SCGB2B2: variants seen among roughly 807,000 people sequenced by gnomAD.
SCGB2B2 encodes secretoglobin-like protein.
SCGB2B2 carries 11 observed loss-of-function variants against 7.6 expected under a neutral mutation model. The ratio of observed to expected loss-of-function variants is 1.45; its 90% confidence interval spans 0.91 to 2.40. The LOEUF (loss-of-function observed/expected upper bound fraction) is 2.40, where lower values mean the gene tolerates loss of function less well. Among genes scored for constraint, SCGB2B2 ranks in the 30% most tolerant of loss-of-function variants. SCGB2B2 has a pLI of 0.00. For synonymous variants in SCGB2B2, 50 were observed against 48.6 expected, an observed-to-expected ratio of 1.03 and a Z score of -0.12; for missense variants, 104 against 115.4, an observed-to-expected ratio of 0.90 and a Z score of 0.45.
At chr19:34,599,592 T>A (rs1322224370) in intron 1 of SCGB2B2, among the ~76,000 whole-genome samples, 1 of 152,116 alleles carries the variant, frequency 6.6e-6, no homozygotes, top group African/African-American at 2.4e-5. Flanking sequence ...GGAAAATCCC[T>A]CATGAATCAA....
chr19:34,649,573 G>A (rs1310347485), intron 1 of SCGB2B2, among the ~76,000 whole-genome samples: 1 of 152,180 alleles, frequency 6.6e-6, no homozygotes, highest in African/African-American at 2.4e-5. Context: ...AACCGGCCAG[G>A]TGTGGTTGCT....
At chr19:34,632,938 C>T (rs2066576635) in intron 1 of SCGB2B2, 1 of 152,506 alleles carries the variant, frequency 6.6e-6, no homozygotes, top group Admixed American at 6.5e-5. Context: ...CAATATCTCT[C>T]CTGCACTAAA....
rs749196044 is a variant in SCGB2B2 at position 34,595,303 on chromosome 19, G to A, written c.-740C>T. On this transcript the variant is annotated 5_prime_UTR_variant, in exon 2 of 4. Coordinates refer to ENST00000601241, the MANE Select transcript of SCGB2B2 (RefSeq NM_001025591.4). ...AAATGTGGAGGCTGCAAAAGGTGCC[G>A]AGCTCTGGTCTCCACACTATTTATT... 6.6e-5 allele frequency: 10 copies of A among 152,566 alleles called. No homozygotes were observed. The highest frequency in any genetic ancestry group is 3.3e-4 in the Admixed American group (5 of 15,288). 9.5% of individuals were successfully genotyped at this position (152,566 alleles called of 1,614,324 possible).
rs2065349666 is a variant in SCGB2B2, at chr19:34,593,417, C to T, written c.*138G>A. 2 of 657,170 alleles carry T rather than the reference C, an allele frequency of 3.0e-6. No homozygotes were observed. Among genetic ancestry groups the T allele is most frequent in the Non-Finnish European group, 5.3e-6 (2 of 374,786 alleles). The allele number at this position is 657,170 out of a possible 1,614,324, so 40.7% of individuals were successfully genotyped here. On this transcript the variant is annotated 3_prime_UTR_variant, in exon 4 of 4. Transcript: ENST00000601241. ...CTGCATATGCGGTCACAGCCAACCC[C>T]ACACAGATGCCAGAACACAGAACTG...
chr19:34,613,612 G>T (rs779696730), intron 1 of SCGB2B2, among the ~76,000 whole-genome samples: 1 of 152,128 alleles, frequency 6.6e-6, no homozygotes, highest in Non-Finnish European at 1.5e-5. Context: ...TATATCCTTT[G>T]TTGTTTTCTT....
chr19:34,650,864 A>T (rs1244693127), intron 1 of SCGB2B2, among the ~76,000 whole-genome samples: 1 of 151,366 alleles, frequency 6.6e-6, no homozygotes, highest in Non-Finnish European at 1.5e-5. Context: ...ACAAAATACT[A>T]GCCAACCAAA....
intron 1 of SCGB2B2, among the ~76,000 whole-genome samples, chr19:34,610,386 C>G (rs2065894732): frequency 6.6e-6 from 1 of 152,076 alleles, no homozygotes; most frequent in African/African-American, 2.4e-5. Context: ...TGTCTTGCTC[C>G]AGATTTTAGA....
intron 1 of SCGB2B2, among the ~76,000 whole-genome samples, chr19:34,617,904 G>A (rs4578784): frequency 0.32 from 47,491 of 149,544 alleles, 8,079 homozygotes; most frequent in Middle Eastern, 0.47. Flanking sequence ...TCCAGGTGCC[G>A]TCTGTCACCC....
At chr19:34,673,530 A>G (rs1350989977) in intron 1 of SCGB2B2, among the ~76,000 whole-genome samples, 1 of 152,250 alleles carries the variant, frequency 6.6e-6, no homozygotes, top group African/African-American at 2.4e-5. Context: ...GGAGGCCCTC[A>G]GAAAACAAGA....
intron 1 of SCGB2B2, among the ~76,000 whole-genome samples, chr19:34,663,091 CCT>C (rs1388215710): frequency 3.9e-5 from 6 of 152,240 alleles, no homozygotes; most frequent in Non-Finnish European, 8.8e-5. Context: ...TGCCGACGCC[CCT>C]GACACCTGCC....
chr19:34,601,932 A>G (rs895563181), intron 1 of SCGB2B2, among the ~76,000 whole-genome samples: 3 of 152,128 alleles, frequency 2.0e-5, no homozygotes, highest in Admixed American at 1.3e-4. Flanking sequence ...TTTTTATTTT[A>G]TAATAATTTT....
At chr19:34,657,084 C>T (rs2198905) in intron 1 of SCGB2B2, among the ~76,000 whole-genome samples, 48,841 of 150,752 alleles carry the variant, frequency 0.32, 8,696 homozygotes, top group Non-Finnish European at 0.34. Context: ...ATGCTGAATA[C>T]GAAACAATAT....
intron 1 of SCGB2B2, among the ~76,000 whole-genome samples, chr19:34,621,630 T>G (rs1288863949): frequency 6.6e-6 from 1 of 152,164 alleles, no homozygotes; most frequent in African/African-American, 2.4e-5. Context: ...TATCTATAAC[T>G]TGGATATCCT....
chr19:34,593,279 C>G lies in SCGB2B2; in HGVS notation c.*276G>C. On this transcript the variant is annotated 3_prime_UTR_variant, in exon 4 of 4. Transcript: ENST00000601241. The stretch of plus-strand genomic sequence containing the variant: ...AGGCTGCAGTGAGCCAAGATCGCGC[C>G]AATGCACTCCAGCCACCCTCCTCCC... 2.6e-6 allele frequency: 1 copy of G among 383,778 alleles called. No homozygotes were observed. The highest frequency in any genetic ancestry group is 4.7e-6 in the Non-Finnish European group (1 of 210,900). The allele number at this position is 383,778 out of a possible 1,614,324, so 23.8% of individuals were successfully genotyped here. A position where few individuals can be genotyped will look rare whatever the true frequency, so the allele number is the denominator to read the frequency against.
intron 1 of SCGB2B2, among the ~76,000 whole-genome samples, chr19:34,671,441 T>G (rs555664143): frequency 3.6e-4 from 48 of 134,416 alleles, no homozygotes; most frequent in African/African-American, 1.2e-3. Flanking sequence ...ATGCATCTTT[T>G]TCTTTTTTTT....
chr19:34,604,517 CAT>C (rs1281574227), intron 1 of SCGB2B2, among the ~76,000 whole-genome samples: 16 of 152,350 alleles, frequency 1.1e-4, no homozygotes, highest in Middle Eastern at 3.4e-3. Flanking sequence ...AACTACAGCA[CAT>C]GAGTGATCAT....
chr19:34,665,245 G>A (rs997177904), intron 1 of SCGB2B2, among the ~76,000 whole-genome samples: 21 of 152,222 alleles, frequency 1.4e-4, no homozygotes, highest in African/African-American at 1.9e-4. Flanking sequence ...GTCACAAGGC[G>A]TGCAGCCTGG....
chr19:34,643,572 TG>T (rs1194804471), intron 1 of SCGB2B2, among the ~76,000 whole-genome samples: 13 of 152,188 alleles, frequency 8.5e-5, no homozygotes, highest in African/African-American at 2.4e-4. Flanking sequence ...AGGGAGGACT[TG>T]AATTGTTCCC....
chr19:34,659,758 T>C (rs2067397458), intron 1 of SCGB2B2, among the ~76,000 whole-genome samples: 1 of 152,142 alleles, frequency 6.6e-6, no homozygotes, highest in East Asian at 1.9e-4. Context: ...AAACTACCAA[T>C]GACTTTCTTC....
Sources: allele counts gnomAD v4.1 joint callset (sites outside exome capture counted in the v4.1 genomes callset), GRCh38; gene constraint gnomAD v4.1.1; transcripts MANE v1.5; gene names NCBI Gene and HGNC (gene_info 2026-07-23, HGNC 2026-07-21).